The following MYH10 variants were observed in gnomAD, a reference collection of about 807,000 sequenced individuals.
The protein encoded by MYH10 is myosin heavy chain 10.
MYH10 carries 55 observed loss-of-function variants against 257.8 expected under a neutral mutation model. That is an observed-to-expected ratio of 0.21 (90% CI 0.17 to 0.27). The LOEUF (loss-of-function observed/expected upper bound fraction) is 0.27. MYH10 is among the 10% of genes least tolerant of loss of function. The pLI is 1.00. For synonymous variants in MYH10, 854 were observed against 921.7 expected (o/e 0.93, Z 1.33); for missense variants, 1,631 against 2,500.6 (o/e 0.65, Z 7.42).
chr17:8,624,058 A>T (rs1311984064), intron 1 of MYH10, among the ~76,000 whole-genome samples: 1 of 152,208 alleles, frequency 6.6e-6, no homozygotes, highest in Non-Finnish European at 1.5e-5. Context: ...CCAGAAGCAA[A>T]CATCATAGCC....
intron 3 of MYH10, among the ~76,000 whole-genome samples, chr17:8,593,357 G>C (rs2084242965): frequency 6.6e-6 from 1 of 151,950 alleles, no homozygotes; most frequent in Non-Finnish European, 1.5e-5. Context: ...GATTGAAAAG[G>C]AGGAAATAGC....
chr17:8,521,406 A>G (rs188268519), intron 17 of MYH10, 121 bp from the exon 18 acceptor site: 3 of 1,031,890 alleles, frequency 2.9e-6, no homozygotes, highest in Admixed American at 2.2e-5. Flanking sequence ...GAGATGCCAT[A>G]TAGGTAAGGC....
chr17:8,594,978 A>ACTGT (rs1167994877), intron 3 of MYH10, among the ~76,000 whole-genome samples: 6 of 152,214 alleles, frequency 3.9e-5, no homozygotes, highest in African/African-American at 1.2e-4. Context: ...CAGAGGGCCA[A>ACTGT]CTGTACAGTG....
chr17:8,541,278 C>T (rs1357807653), intron 14 of MYH10, among the ~76,000 whole-genome samples: 1 of 152,200 alleles, frequency 6.6e-6, no homozygotes, highest in African/African-American at 2.4e-5. Flanking sequence ...TGCTGCACCT[C>T]CTAGGAGAAA....
At chr17:8,614,869 TA>T (rs1267758818) in intron 2 of MYH10, among the ~76,000 whole-genome samples, 7 of 152,184 alleles carry the variant, frequency 4.6e-5, no homozygotes, top group Non-Finnish European at 8.8e-5. Context: ...ACAAATAAGT[TA>T]TCAGTATCAG....
At chr17:8,573,031 T>C (rs1747197906) in intron 6 of MYH10, among the ~76,000 whole-genome samples, 1 of 152,348 alleles carries the variant, frequency 6.6e-6, no homozygotes, top group African/African-American at 2.4e-5. Flanking sequence ...TTCTATTCTA[T>C]AATGTTATTT....
chr17:8,580,437 T>C (rs2083662123), intron 4 of MYH10, among the ~76,000 whole-genome samples: 1 of 152,122 alleles, frequency 6.6e-6, no homozygotes, highest in East Asian at 1.9e-4. Context: ...TCTTCATCCC[T>C]GTGTCTCCCA....
intron 3 of MYH10, among the ~76,000 whole-genome samples, chr17:8,591,688 G>A (rs1443296254): frequency 6.6e-6 from 1 of 151,484 alleles, no homozygotes; most frequent in South Asian, 2.1e-4. Flanking sequence ...TCCTGCGTCT[G>A]TACATGCTAT....
rs1045013433 is a variant in MYH10, at chr17:8,630,503, C to T, written c.-32+151G>A. Among the ~76,000 whole-genome samples, 3 of 152,248 alleles carry T rather than the reference C, an allele frequency of 2.0e-5. No individual in the cohort carries two copies. In the East Asian group the frequency reaches 5.8e-4, roughly 29 times the overall value. ...CAGCACAAACCCTACAGCTCAGAAG[C>T]CCCTCTGTCTTCCCCAGCTCCCGCT... On this transcript the variant is annotated intron_variant, in intron 1 of 42. Transcript: ENST00000360416.
intron 3 of MYH10, among the ~76,000 whole-genome samples, chr17:8,594,269 A>C (rs927447617): frequency 1.3e-5 from 2 of 152,230 alleles, no homozygotes; most frequent in African/African-American, 4.8e-5. Flanking sequence ...GAAAACTATC[A>C]AATTTTTAAA....
chr17:8,487,643 G>A (rs543694865), intron 35 of MYH10, 49 bp from the exon 36 acceptor site: 37 of 1,606,448 alleles, frequency 2.3e-5, no homozygotes, highest in Middle Eastern at 3.3e-4. Context: ...GTATCTGCTC[G>A]CAGAACAGGC....
At chr17:8,538,394 G>C (rs1027067313) in intron 14 of MYH10, among the ~76,000 whole-genome samples, 1 of 152,158 alleles carries the variant, frequency 6.6e-6, no homozygotes, top group Non-Finnish European at 1.5e-5. Flanking sequence ...ATTTTTAGTA[G>C]AGATGGAGTT....
chr17:8,492,198 C>G (rs1915871163), intron 34 of MYH10, 99 bp downstream of exon 34: 1 of 1,199,562 alleles, frequency 8.3e-7, no homozygotes, highest in Admixed American at 2.1e-5. Context: ...ATTCCCAGGT[C>G]CTTCAGGCTC....
At chr17:8,585,997 A>G (rs960398213) in intron 4 of MYH10, among the ~76,000 whole-genome samples, 6 of 152,236 alleles carry the variant, frequency 3.9e-5, no homozygotes, top group Non-Finnish European at 7.3e-5. Flanking sequence ...AACTGAAAAC[A>G]TCTCAGCAGC....
In MYH10 at chr17:8,500,406, C is replaced by T. The variant is rs547916645; in HGVS notation, c.3744+420G>A. On this transcript the variant is annotated intron_variant, in intron 29 of 42. Coordinates refer to ENST00000360416, the MANE Select transcript of MYH10 (RefSeq NM_001256012.3). ...GTGTTTGGTGGCTGAGGTGAGATCA[C>T]AGGCAGGGAAGGACAAGAAGGGAGA... Among the ~76,000 whole-genome samples the T allele has an allele frequency of 5.3e-5, 8 of 152,288 alleles. No homozygotes were observed. In the East Asian group the frequency reaches 1.5e-3, roughly 29 times the overall value.
At chr17:8,615,624 GTTAAT>G (rs1462317843) in intron 2 of MYH10, among the ~76,000 whole-genome samples, 1 of 152,024 alleles carries the variant, frequency 6.6e-6, no homozygotes, top group Admixed American at 6.6e-5. Context: ...TCCTTGCAAG[GTTAAT>G]TTAACACTCA....
intron 28 of MYH10, among the ~76,000 whole-genome samples, chr17:8,502,085 C>G (rs2080913779): frequency 6.6e-6 from 1 of 152,348 alleles, no homozygotes; most frequent in South Asian, 2.1e-4. Flanking sequence ...AAGCACACTG[C>G]TAGCAAACTT....
chr17:8,567,347 TG>T (rs1463075143), intron 7 of MYH10, among the ~76,000 whole-genome samples: 1 of 152,248 alleles, frequency 6.6e-6, no homozygotes, highest in East Asian at 1.9e-4. Context: ...TAAATGAACT[TG>T]GATTAAGTGA....
In MYH10 at chr17:8,535,498, C is replaced by G; in HGVS notation, c.1783G>C (p.Asp595His). The change falls in exon 16 of 43, where the codon GAC becomes CAC. Residue 595 changes from aspartate to histidine, a missense_variant. Coordinates refer to ENST00000360416, the MANE Select transcript of MYH10 (RefSeq NM_001256012.3). This position sits in a 1 kb window ranked among gnomAD's most constrained non-coding sequence, Gnocchi z 4.3. ...ATCAGCCACTCATCTGCCTTATAGT[C>G]CACCTATCCCGCACCAAAGCCAAAA... is the stretch of plus-strand genomic sequence containing the variant. ...FCIIHYAGKV[D>H]YKADEWLMKN... 3.1e-6 allele frequency: 5 copies of G among 1,608,248 alleles called. No individual in the cohort carries two copies. Among genetic ancestry groups the G allele is most frequent in the Non-Finnish European group, 4.2e-6 (5 of 1,177,380 alleles).
Sources: gnomAD v4.1 joint callset for allele counts (sites outside exome capture counted in the v4.1 genomes callset) on GRCh38, gnomAD v4.1.1 for gene constraint, Gnocchi (gnomAD v3.1) non-coding constraint, MANE v1.5 for transcripts, NCBI Gene and HGNC (gene_info 2026-07-23, HGNC 2026-07-21) for gene names.